The following SYNJ2 variants were observed in gnomAD, a reference collection of about 807,000 sequenced individuals.
The protein encoded by SYNJ2 is synaptojanin 2.
In SYNJ2, 116 loss-of-function variants were observed where a neutral mutation model predicts 141.3. The ratio of observed to expected loss-of-function variants is 0.82; its 90% CI spans 0.71 to 0.96. The LOEUF is 0.96. Among genes scored for constraint, SYNJ2 ranks in the 40% least tolerant of loss-of-function variants. SYNJ2 has a pLI of 0.00. For missense variants in SYNJ2, 1,873 were observed against 1,934.8 expected, an observed-to-expected ratio of 0.97 and a Z score of 0.60; for synonymous variants, 745 against 777.7, an observed-to-expected ratio of 0.96 and a Z score of 0.70.
At chr6:158,003,601 T>C (rs1777941055) in intron 1 of SYNJ2, among the ~76,000 whole-genome samples, 1 of 152,220 alleles carries the variant, frequency 6.6e-6, no homozygotes, top group African/African-American at 2.4e-5. Context: ...TTAAATGACC[T>C]CATTATTTTT....
At chr6:158,024,888 G>C (rs530514847) in intron 2 of SYNJ2, among the ~76,000 whole-genome samples, 1 of 150,250 alleles carries the variant, frequency 6.7e-6, no homozygotes, top group East Asian at 2.0e-4. Context: ...CTGACAAGAG[G>C]CTCCCAGAGT....
At chr6:158,006,718 G>A (rs1778084051) in intron 1 of SYNJ2, among the ~76,000 whole-genome samples, 1 of 152,156 alleles carries the variant, frequency 6.6e-6, no homozygotes, top group Non-Finnish European at 1.5e-5. Flanking sequence ...TGTCGCCCTG[G>A]CTGGAGTGCA....
intron 4 of SYNJ2, 116 bp downstream of exon 4, chr6:158,033,796 C>A: frequency 9.5e-7 from 1 of 1,048,502 alleles, no homozygotes; most frequent in Non-Finnish European, 1.4e-6. Flanking sequence ...GGTCTCTGAT[C>A]AGGCTTCCTC....
intron 17 of SYNJ2, chr6:158,077,908 C>T (rs1782418298): frequency 7.4e-6 from 2 of 271,946 alleles, no homozygotes; most frequent in Non-Finnish European, 7.1e-6. Flanking sequence ...CACTGTGTCT[C>T]AAGCCTACAG....
At chr6:157,989,408 ATTCT>A (rs1320861267) in intron 1 of SYNJ2, among the ~76,000 whole-genome samples, 1 of 135,968 alleles carries the variant, frequency 7.4e-6, no homozygotes, top group Non-Finnish European at 1.6e-5. Flanking sequence ...GTAAAATCTC[ATTCT>A]TATGTAAAAA....
intron 13 of SYNJ2, 52 bp from the exon 14 acceptor site, chr6:158,069,481 T>C: frequency 6.3e-7 from 1 of 1,580,852 alleles, no homozygotes; most frequent in Non-Finnish European, 8.6e-7. Context: ...AGGTGGGAGA[T>C]AGATGTACTT....
chr6:158,073,661 A>G (rs1782081064), intron 15 of SYNJ2, among the ~76,000 whole-genome samples: 1 of 152,234 alleles, frequency 6.6e-6, no homozygotes, highest in Admixed American at 6.5e-5. Flanking sequence ...ATCAGATGGC[A>G]CAGAGAACAT....
At chr6:157,993,522 A>G (rs1478777911) in intron 1 of SYNJ2, among the ~76,000 whole-genome samples, 1 of 151,932 alleles carries the variant, frequency 6.6e-6, no homozygotes, top group Non-Finnish European at 1.5e-5. Flanking sequence ...TTGCTGTGCA[A>G]AAGCTTTTTA....
chr6:158,036,471 C>T (rs777466913), intron 4 of SYNJ2, among the ~76,000 whole-genome samples: 7 of 152,162 alleles, frequency 4.6e-5, no homozygotes, highest in East Asian at 1.9e-4. Flanking sequence ...TCCAGCAACA[C>T]GGATGCAGCT....
At chr6:157,991,190 C>T (rs536048545) in intron 1 of SYNJ2, among the ~76,000 whole-genome samples, 2 of 152,132 alleles carry the variant, frequency 1.3e-5, no homozygotes, top group Non-Finnish European at 2.9e-5. Context: ...ACACATTTGC[C>T]GGAGAAAGTG....
intron 4 of SYNJ2, among the ~76,000 whole-genome samples, chr6:158,037,235 A>T (rs1583373265): frequency 1.3e-5 from 2 of 151,464 alleles, no homozygotes; most frequent in African/African-American, 4.9e-5. Flanking sequence ...CCTGGGGAGA[A>T]CCCTTCTGAG....
upstream of SYNJ2, chr6:157,981,811 A>G: frequency 4.9e-6 from 3 of 615,072 alleles, no homozygotes; most frequent in Non-Finnish European, 6.9e-6. The surrounding 1 kb of genome is among the most constrained non-coding windows in gnomAD (Gnocchi z 6.4). Context: ...AGGAGGAGGA[A>G]GGGGAGGAGG....
intron 1 of SYNJ2, among the ~76,000 whole-genome samples, chr6:158,002,891 C>T (rs56018346): frequency 0.45 from 67,966 of 152,036 alleles, 15,526 homozygotes; most frequent in African/African-American, 0.54. Context: ...AAGGTGCAAA[C>T]TGTTTTCCTG....
intron 12 of SYNJ2, among the ~76,000 whole-genome samples, chr6:158,067,156 T>C (rs182287024): frequency 6.6e-6 from 1 of 152,150 alleles, no homozygotes; most frequent in African/African-American, 2.4e-5. Context: ...GTAGCTGGGA[T>C]TACAGGCGCC....
chr6:158,015,229 A>G (rs1355530016), intron 1 of SYNJ2, among the ~76,000 whole-genome samples: 1 of 152,196 alleles, frequency 6.6e-6, no homozygotes, highest in Non-Finnish European at 1.5e-5. Context: ...TCTCCTTTCT[A>G]ACATTTCACT....
Position 158,088,034 on chromosome 6 carries a change from A to ATTTT in SYNJ2, c.3344-585_3344-582dup, listed in dbSNP as rs568222551. Among the ~76,000 whole-genome samples, 20 of 31,906 alleles carry ATTTT rather than the reference A, an allele frequency of 6.3e-4. 1 individual carries two copies. The highest frequency in any genetic ancestry group is 7.6e-4 in the African/African-American group (9 of 11,824). 20.9% of individuals were successfully genotyped at this position (31,906 alleles called of 152,430 possible). The stretch of plus-strand genomic sequence containing the variant: ...TAACAGTTTATTCCCCTGCTTTGGA[A>ATTTT]TTTTTTTTTTTTTTTTTTTTTTTTT... On this transcript the variant is annotated intron_variant, in intron 23 of 26. Transcript: ENST00000355585.
intron 2 of SYNJ2, among the ~76,000 whole-genome samples, chr6:158,023,994 A>G (rs1468607543): frequency 6.6e-6 from 1 of 152,224 alleles, no homozygotes; most frequent in Non-Finnish European, 1.5e-5. Context: ...TGTGAACAGG[A>G]TCTTTTAGTG....
chr6:158,032,208 G>A (rs1214467528), intron 3 of SYNJ2, among the ~76,000 whole-genome samples: 1 of 152,138 alleles, frequency 6.6e-6, no homozygotes, highest in Non-Finnish European at 1.5e-5. Flanking sequence ...GGGTGCATGT[G>A]GCTTTGGTCA....
intron 9 of SYNJ2, 39 bp downstream of exon 9, chr6:158,063,911 G>C (rs543436442): frequency 6.2e-7 from 1 of 1,607,516 alleles, no homozygotes; most frequent in African/African-American, 1.3e-5. Context: ...ATCTGTGCCA[G>C]GTCCTGTGAC....
Sources: gnomAD v4.1 joint callset for allele counts (sites outside exome capture counted in the v4.1 genomes callset) on GRCh38, gnomAD v4.1.1 for gene constraint, Gnocchi (gnomAD v3.1) non-coding constraint, MANE v1.5 for transcripts, NCBI Gene and HGNC (gene_info 2026-07-23, HGNC 2026-07-21) for gene names.